BAZ1B: variants seen among roughly 807,000 people sequenced by gnomAD.
The protein encoded by BAZ1B is tyrosine-protein kinase BAZ1B.
BAZ1B carries 22 observed loss-of-function variants against 153.8 expected under a neutral mutation model. That is an observed-to-expected ratio of 0.14 (90% confidence interval 0.10 to 0.20). BAZ1B has a LOEUF of 0.20. Among genes scored for constraint, BAZ1B ranks in the 10% least tolerant of loss-of-function variants. The pLI, the probability that BAZ1B is intolerant of heterozygous loss-of-function variation, is 1.00. For missense variants in BAZ1B, 1,325 were observed against 1,799.3 expected (o/e 0.74, Z 4.77); for synonymous variants, 676 against 633.4 (o/e 1.07, Z -1.01).
intron 6 of BAZ1B, among the ~76,000 whole-genome samples, chr7:73,481,516 CAAAA>C (rs55689155): frequency 1.8e-5 from 1 of 55,062 alleles, no homozygotes; most frequent in Non-Finnish European, 3.5e-5. Flanking sequence ...GACTCCATCT[CAAAA>C]AAAAAAAAAA....
chr7:73,474,102 T>C (rs1304856093), intron 7 of BAZ1B, among the ~76,000 whole-genome samples: 1 of 152,038 alleles, frequency 6.6e-6, no homozygotes, highest in Non-Finnish European at 1.5e-5. Context: ...ATCAGTGAAA[T>C]AGAATTCAGA....
chr7:73,450,958 G>A lies in BAZ1B; in HGVS notation c.3469C>T (p.Arg1157Trp), dbSNP rs1013438793. The A allele has an allele frequency of 4.3e-6, 7 of 1,614,108 alleles. No homozygotes were observed. Among genetic ancestry groups the A allele is most frequent in the African/African-American group, 1.3e-5 (1 of 74,998 alleles). The change falls in exon 14 of 20, where the codon CGG becomes TGG. Residue 1157 changes from arginine to tryptophan, a missense_variant. By Grantham distance (101) the Arg-to-Trp change is moderately radical (BLOSUM62 -3). Around this residue, in one of 9 missense-constraint regions of BAZ1B, gnomAD observed 431 missense variants for 563.5 expected, o/e 0.76. Transcript: ENST00000339594. The surrounding 1 kb of genome is among the most constrained non-coding windows in gnomAD (Gnocchi z 4.1). ...SALEKWKTAIREAQTFSRMHV... is the reference protein window; with the variant it reads ...SALEKWKTAIWEAQTFSRMHV... ...ATCCTGGAGAAAGTCTGAGCTTCCC[G>A]GATTGCTGTCTTCCATTTCTCCAGT...
chr7:73,475,962 G>A (rs565903175), intron 7 of BAZ1B, among the ~76,000 whole-genome samples: 43 of 151,734 alleles, frequency 2.8e-4, no homozygotes, highest in Non-Finnish European at 5.0e-4. Flanking sequence ...ACTAAATAGA[G>A]GTGGTCTATT....
chr7:73,507,175 G>A (rs1252758065), intron 3 of BAZ1B: 1 of 152,040 alleles, frequency 6.6e-6, no homozygotes, highest in African/African-American at 2.4e-5. Flanking sequence ...ACCACGCCCG[G>A]CCTGCAAGTC....
In BAZ1B at chr7:73,478,324, G is replaced by C. The variant is rs1354375455; in HGVS notation, c.1137C>G (p.His379Gln). The change falls in exon 7 of 20, where the codon CAC becomes CAG. Residue 379 changes from histidine to glutamine, a missense_variant. Physicochemically the swap from His to Gln is conservative, Grantham distance 24. This residue lies in a region of BAZ1B where 219 missense variants were observed against 248.2 expected (regional missense o/e 0.88). Transcript: ENST00000339594. ...MMKMMSPNKL[H>Q]TNFHIPKKGP... ...CTTTTTTAGGAATGTGAAAGTTAGT[G>C]TGCAGCTTATTGGGCGACATCATCT... 1 of 1,613,972 alleles carries C rather than the reference G, an allele frequency of 6.2e-7. No individual in the cohort carries two copies. Among genetic ancestry groups the C allele is most frequent in the Non-Finnish European group, 8.5e-7 (1 of 1,180,038 alleles).
At chr7:73,504,435 G>A (rs1282600654) in intron 3 of BAZ1B, among the ~76,000 whole-genome samples, 1 of 151,950 alleles carries the variant, frequency 6.6e-6, no homozygotes, top group Admixed American at 6.6e-5. Flanking sequence ...AGGCCGAGGC[G>A]GGTGGATCAC....
chr7:73,496,442 G>A (rs1355490611), intron 4 of BAZ1B, among the ~76,000 whole-genome samples: 3 of 152,112 alleles, frequency 2.0e-5, no homozygotes, highest in African/African-American at 7.2e-5. Context: ...AAATAGAATG[G>A]GAGACAGACA....
chr7:73,514,586 C>A (rs1233157882), intron 1 of BAZ1B, among the ~76,000 whole-genome samples: 2 of 149,656 alleles, frequency 1.3e-5, no homozygotes, highest in Non-Finnish European at 3.0e-5. Context: ...CAGGCACGAA[C>A]ATCGCTCAAG....
chr7:73,503,370 CCCTTT>C (rs1790212504), intron 3 of BAZ1B, among the ~76,000 whole-genome samples: 2 of 151,980 alleles, frequency 1.3e-5, no homozygotes, highest in Admixed American at 1.3e-4. Flanking sequence ...AGTATCTCTT[CCCTTT>C]CCTCTTTTTT....
In BAZ1B at chr7:73,454,949, G is replaced by A. The variant is rs534962600; in HGVS notation, c.3433-3955C>T. Among the ~76,000 whole-genome samples, 4 of 151,862 alleles carry A rather than the reference G, an allele frequency of 2.6e-5. No individual in the cohort carries two copies. In the East Asian group the frequency reaches 5.8e-4, roughly 22 times the overall value. The stretch of plus-strand genomic sequence containing the variant: ...CGGCTCACTGCAACCTCTACCTCCC[G>A]GGCTCAAGTGATTCTCATGCCTCAG... On this transcript the variant is annotated intron_variant, in intron 13 of 19. Coordinates refer to ENST00000339594, the MANE Select transcript of BAZ1B (RefSeq NM_032408.4).
chr7:73,481,778 C>T (rs1789210143), intron 6 of BAZ1B, among the ~76,000 whole-genome samples: 1 of 152,174 alleles, frequency 6.6e-6, no homozygotes, highest in African/African-American at 2.4e-5. Flanking sequence ...TGGCTCACGC[C>T]TGTAATCCCA....
In BAZ1B at chr7:73,463,048, A is replaced by G; in HGVS notation, c.3123T>C (p.Gly1041=). 6.2e-7 allele frequency: 1 copy of G among 1,613,994 alleles called. No homozygotes were observed. The highest frequency in any genetic ancestry group is 1.1e-5 in the South Asian group (1 of 91,076). The change falls in exon 12 of 20, where the codon GGT becomes GGC. Residue 1041 remains glycine, a synonymous_variant. Coordinates refer to ENST00000339594, the MANE Select transcript of BAZ1B (RefSeq NM_032408.4). ...SIHLARKPNL[G]LKSCDGNQEL... ...CCTGGTTGCCATCACAAGATTTTAGACCCAAATTTGGCTTCCGTGCTAGAT... is the reference window on the plus strand; with the variant it reads ...CCTGGTTGCCATCACAAGATTTTAGGCCCAAATTTGGCTTCCGTGCTAGAT...
chr7:73,462,654 A>C (rs1788434252), intron 12 of BAZ1B: 4 of 433,676 alleles, frequency 9.2e-6, no homozygotes, highest in African/African-American at 8.1e-5. Context: ...TGGAGCCTCT[A>C]CAACCAGTTT....
At position 73,478,461 on chromosome 7, in the gene BAZ1B, G is replaced by T; in HGVS notation, c.1000C>A (p.Pro334Thr). The change falls in exon 7 of 20, where the codon CCT (proline) becomes ACT (threonine). Residue 334 changes from proline (P) to threonine (T), a missense_variant. By Grantham distance (38) the Pro-to-Thr change is conservative. Transcript: ENST00000339594. ...DNSSLSSPLN[P>T]KLWCHVHLKK... ...AAGTGTACGTGACACCATAACTTAGGATTTAGTGGTGAACTAAGAGAAGAG... is the reference window on the plus strand; with the variant it reads ...AAGTGTACGTGACACCATAACTTAGTATTTAGTGGTGAACTAAGAGAAGAG... 6.2e-7 allele frequency: 1 copy of T among 1,611,878 alleles called. No individual in the cohort carries two copies. Among genetic ancestry groups the T allele is most frequent in the Non-Finnish European group, 8.5e-7 (1 of 1,179,036 alleles).
chr7:73,505,353 C>G lies in BAZ1B; in HGVS notation c.369+2974G>C, dbSNP rs1790294864. The stretch of plus-strand genomic sequence containing the variant: ...ACTCAACACACTGAGAAGAACAGAA[C>G]AGAAAGACAGAGAAAGTCTAGGTCT... On this transcript the variant is annotated intron_variant, in intron 3 of 19. Transcript: ENST00000339594. Among the ~76,000 whole-genome samples the G allele has an allele frequency of 2.6e-5, 4 of 152,162 alleles. No homozygotes were observed. The South Asian group carries it at 8.3e-4, about 31-fold the overall frequency.
chr7:73,474,468 A>G (rs1221734452), intron 7 of BAZ1B, among the ~76,000 whole-genome samples: 1 of 152,190 alleles, frequency 6.6e-6, no homozygotes, highest in Non-Finnish European at 1.5e-5. Flanking sequence ...GCTTCAAATG[A>G]TACTACTAAG....
chr7:73,488,688 CT>C (rs1203272422), intron 6 of BAZ1B, among the ~76,000 whole-genome samples: 1 of 147,514 alleles, frequency 6.8e-6, no homozygotes, highest in Non-Finnish European at 1.5e-5. Context: ...GCACTCCAGC[CT>C]GGGTGACAGA....
At chr7:73,507,562 A>T (rs782367406) in intron 3 of BAZ1B, among the ~76,000 whole-genome samples, 13 of 152,212 alleles carry the variant, frequency 8.5e-5, no homozygotes, top group Non-Finnish European at 1.9e-4. Context: ...GAAAAATAAA[A>T]AAAGAAAAGA....
intron 6 of BAZ1B, among the ~76,000 whole-genome samples, chr7:73,479,153 T>C (rs1365137128): frequency 1.3e-5 from 2 of 151,398 alleles, no homozygotes; most frequent in African/African-American, 2.5e-5. Flanking sequence ...ACACTGCTCA[T>C]AGATAAAGAC....
Sources: gnomAD v4.1 joint callset for allele counts (sites outside exome capture counted in the v4.1 genomes callset) on GRCh38, gnomAD v4.1.1 for gene constraint, gnomAD v4.1.1 regional missense constraint, Gnocchi (gnomAD v3.1) non-coding constraint, MANE v1.5 for transcripts, NCBI Gene and HGNC (gene_info 2026-07-23, HGNC 2026-07-21) for gene names.